TMEM108: variants seen among roughly 807,000 people sequenced by gnomAD.
The protein encoded by TMEM108 is transmembrane protein 108.
In TMEM108, 12 loss-of-function variants were observed where a neutral mutation model predicts 35.1. That is an observed-to-expected ratio of 0.34 (90% CI 0.22 to 0.55). The LOEUF is 0.55. TMEM108 is among the 20% of genes least tolerant of loss of function. The pLI, the probability that TMEM108 is intolerant of heterozygous loss-of-function variation, is 0.89. For missense variants in TMEM108, 680 were observed against 753.3 expected, an observed-to-expected ratio of 0.90 and a Z score of 1.14; for synonymous variants, 287 against 308.6, an observed-to-expected ratio of 0.93 and a Z score of 0.73.
intron 3 of TMEM108, among the ~76,000 whole-genome samples, chr3:133,307,943 C>T (rs2071067852): frequency 6.6e-6 from 1 of 152,000 alleles, no homozygotes; most frequent in African/African-American, 2.4e-5. Flanking sequence ...CTATAAATTA[C>T]CTTGGGCAGT....
intron 3 of TMEM108, among the ~76,000 whole-genome samples, chr3:133,375,458 C>T (rs1208101019): frequency 1.3e-5 from 2 of 152,022 alleles, no homozygotes; most frequent in African/African-American, 4.8e-5. Flanking sequence ...GGAATTAAAG[C>T]CTCTAGAGTC....
At chr3:133,322,912 A>G (rs1217588073) in intron 3 of TMEM108, among the ~76,000 whole-genome samples, 1 of 152,190 alleles carries the variant, frequency 6.6e-6, no homozygotes, top group Non-Finnish European at 1.5e-5. Flanking sequence ...ATTAAAAATC[A>G]TATGACCATC....
chr3:133,150,342 G>GTTTTTTTTTTTT (rs10663538), intron 2 of TMEM108, among the ~76,000 whole-genome samples: 16 of 109,682 alleles, frequency 1.5e-4, no homozygotes, highest in Admixed American at 3.0e-4. Context: ...AGGTTATTTG[G>GTTTTTTTTTTTT]TTTTTTTTTT....
chr3:133,164,532 A>G (rs1419823673), intron 2 of TMEM108, among the ~76,000 whole-genome samples: 1 of 152,194 alleles, frequency 6.6e-6, no homozygotes, highest in Non-Finnish European at 1.5e-5. Flanking sequence ...TGAGAATCTT[A>G]GGTTTGGGAG....
chr3:133,382,776 A>G (rs1374312439), intron 4 of TMEM108, among the ~76,000 whole-genome samples: 1 of 152,154 alleles, frequency 6.6e-6, no homozygotes, highest in Non-Finnish European at 1.5e-5. Flanking sequence ...AATGCGAACC[A>G]TGATTTCCAC....
chr3:133,291,458 TG>T (rs1008207288), intron 3 of TMEM108, among the ~76,000 whole-genome samples: 25 of 152,190 alleles, frequency 1.6e-4, no homozygotes, highest in African/African-American at 6.0e-4. Flanking sequence ...TTTTATTTTT[TG>T]TAGAGACACG....
At chr3:133,177,998 A>G (rs1259016579) in intron 2 of TMEM108, among the ~76,000 whole-genome samples, 1 of 152,216 alleles carries the variant, frequency 6.6e-6, no homozygotes, top group Non-Finnish European at 1.5e-5. Flanking sequence ...CAAAAATCAC[A>G]AGCATTCTTA....
chr3:133,372,916 A>G (rs1167331749), intron 3 of TMEM108, among the ~76,000 whole-genome samples: 3 of 152,218 alleles, frequency 2.0e-5, no homozygotes, highest in East Asian at 1.9e-4. Flanking sequence ...CTTAAGATCA[A>G]TCACCCAGCT....
At chr3:133,178,410 A>G (rs1252385663) in intron 2 of TMEM108, among the ~76,000 whole-genome samples, 4 of 152,158 alleles carry the variant, frequency 2.6e-5, no homozygotes, top group African/African-American at 9.7e-5. Context: ...TTCAAATTAT[A>G]CTACAAGGCT....
intron 2 of TMEM108, among the ~76,000 whole-genome samples, chr3:133,218,927 GT>G (rs762998100): frequency 6.6e-6 from 1 of 151,674 alleles, no homozygotes; most frequent in South Asian, 2.1e-4. Context: ...CTCTTCTTAA[GT>G]TTTTTTTGGA....
intron 2 of TMEM108, among the ~76,000 whole-genome samples, chr3:133,093,975 A>G (rs533384026): frequency 6.6e-6 from 1 of 152,290 alleles, no homozygotes; most frequent in South Asian, 2.1e-4. Flanking sequence ...GTGTGTTGAC[A>G]TGTGAAGCAG....
chr3:133,335,629 A>G (rs1256450624), intron 3 of TMEM108, among the ~76,000 whole-genome samples: 2 of 152,254 alleles, frequency 1.3e-5, no homozygotes, highest in East Asian at 3.8e-4. Context: ...AATGTGGTAT[A>G]TAGAATGAGC....
At chr3:133,086,607 C>T (rs1207989507) in intron 2 of TMEM108, among the ~76,000 whole-genome samples, 3 of 152,046 alleles carry the variant, frequency 2.0e-5, no homozygotes, top group Non-Finnish European at 2.9e-5. Context: ...TGAAACAGGC[C>T]CTCTCTTTAT....
At chr3:133,378,537 G>A in intron 3 of TMEM108, 1 of 985,490 alleles carries the variant, frequency 1.0e-6, no homozygotes, top group Non-Finnish European at 1.2e-6. Context: ...GGGGATCCAT[G>A]AACAAGGAGG....
intron 3 of TMEM108, among the ~76,000 whole-genome samples, chr3:133,319,588 A>G (rs1439845158): frequency 6.6e-6 from 1 of 152,182 alleles, no homozygotes; most frequent in Non-Finnish European, 1.5e-5. Context: ...CTAGTACACT[A>G]AACATATCTA....
At chr3:133,262,430 A>G (rs920060083) in intron 3 of TMEM108, among the ~76,000 whole-genome samples, 19 of 152,208 alleles carry the variant, frequency 1.2e-4, no homozygotes, top group African/African-American at 4.1e-4. Flanking sequence ...AACTACATCA[A>G]TCTCATGATC....
intron 3 of TMEM108, among the ~76,000 whole-genome samples, chr3:133,299,754 C>T (rs1479747908): frequency 6.6e-6 from 1 of 152,128 alleles, no homozygotes; most frequent in Non-Finnish European, 1.5e-5. Context: ...ACGTCTTCAA[C>T]CCAACACACA....
chr3:133,395,813 A>AC, intron 5 of TMEM108, 51 bp from the exon 6 acceptor site: 1 of 1,463,472 alleles, frequency 6.8e-7, no homozygotes, highest in Non-Finnish European at 9.1e-7. Flanking sequence ...AAGAATGGCC[A>AC]CCTCTTAAGC....
chr3:133,109,166 C>G (rs1944195984), intron 2 of TMEM108, among the ~76,000 whole-genome samples: 1 of 152,030 alleles, frequency 6.6e-6, no homozygotes, highest in Non-Finnish European at 1.5e-5. Context: ...CTGGTTCTCA[C>G]TGTGCTCCTA....
Sources: allele counts gnomAD v4.1 joint callset (sites outside exome capture counted in the v4.1 genomes callset), GRCh38; gene constraint gnomAD v4.1.1; transcripts MANE v1.5; gene names NCBI Gene and HGNC (gene_info 2026-07-23, HGNC 2026-07-21).